VIPR1: variants seen among roughly 807,000 people sequenced by gnomAD.
VIPR1 encodes the protein vasoactive intestinal peptide receptor 1.
Under a neutral mutation model 58.8 loss-of-function variants are expected in VIPR1, and 59 were observed. That is an observed-to-expected ratio of 1.00 (90% CI 0.81 to 1.25). The LOEUF is 1.25. Among genes scored for constraint, VIPR1 ranks in the 50% most tolerant of loss-of-function variants. The pLI is 0.00. For synonymous variants in VIPR1, 251 were observed against 242.1 expected (o/e 1.04, Z -0.34); for missense variants, 626 against 602.7 (o/e 1.04, Z -0.40).
intron 3 of VIPR1, among the ~76,000 whole-genome samples, chr3:42,523,827 T>C (rs1701087786): frequency 6.6e-6 from 1 of 152,018 alleles, no homozygotes; most frequent in Non-Finnish European, 1.5e-5. Flanking sequence ...TCCTCTTTTT[T>C]TTTTCCCTGA....
chr3:42,530,979 G>A (rs1701513612), intron 7 of VIPR1, 47 bp downstream of exon 7: 2 of 1,606,290 alleles, frequency 1.2e-6, no homozygotes, highest in Non-Finnish European at 1.7e-6. Context: ...AGGGGGCAAG[G>A]CCTGGAGAAC....
rs774210128 is a variant in VIPR1 at position 42,531,451 on chromosome 3, A to T, written c.791-20A>T. On this transcript the variant is annotated intron_variant, in intron 7 of 12. Coordinates refer to ENST00000325123, the MANE Select transcript of VIPR1 (RefSeq NM_004624.4). ...CTTCCTGTGCCCTCTCTGCTCTTTCACTCTCCCTGGGCCTGACAGGGGTAC... is the reference window on the plus strand; with the variant it reads ...CTTCCTGTGCCCTCTCTGCTCTTTCTCTCTCCCTGGGCCTGACAGGGGTAC... The T allele has an allele frequency of 6.4e-7, 1 of 1,562,452 alleles. No individual in the cohort carries two copies. Among genetic ancestry groups the T allele is most frequent in the Admixed American group, 1.9e-5 (1 of 52,506 alleles).
At chr3:42,498,198 G>A (rs1004625360), upstream of VIPR1, among the ~76,000 whole-genome samples, 2 of 152,182 alleles carry the variant, frequency 1.3e-5, no homozygotes, top group Admixed American at 1.3e-4. Flanking sequence ...CTGTGAGGAG[G>A]GCAATGAGTT....
chr3:42,535,238 G>A, intron 11 of VIPR1, 105 bp from the exon 12 acceptor site: 1 of 1,596,486 alleles, frequency 6.3e-7, no homozygotes, highest in Non-Finnish European at 8.6e-7. Context: ...TTTGTGCTTA[G>A]CTCTTTCCTT....
rs141022924 is a variant in VIPR1 at position 42,491,426 on chromosome 3, G to T, written c.-245+1748G>T. Among the ~76,000 whole-genome samples, 787 of 152,272 alleles carry T rather than the reference G, an allele frequency of 5.2e-3. 10 individuals are homozygous for T. The highest frequency in any genetic ancestry group is 0.018 in the African/African-American group (732 of 41,546). ...ACACTCAAATATTTACAGATAAAATGGTAGATCTGTAATTGGATTCAAAAT... is the reference window on the plus strand; with the variant it reads ...ACACTCAAATATTTACAGATAAAATTGTAGATCTGTAATTGGATTCAAAAT... On this transcript the variant is annotated intron_variant, in intron 1 of 13. Transcript: ENST00000433647.
chr3:42,536,302 C>A lies in VIPR1; in HGVS notation c.*21C>A, dbSNP rs777442020. 3 of 1,498,898 alleles carry A rather than the reference C, an allele frequency of 2.0e-6. No individual in the cohort carries two copies. The highest frequency in any genetic ancestry group is 1.8e-6 in the Non-Finnish European group (2 of 1,128,356). The allele number at this position is 1,498,898 out of a possible 1,614,324, so 92.8% of individuals were successfully genotyped here. On this transcript the variant is annotated 3_prime_UTR_variant, in exon 13 of 13. Transcript: ENST00000325123. The stretch of plus-strand genomic sequence containing the variant: ...TCTGACCACCAGGATCCCAGGGGCC[C>A]AAGGCGGCCCCTCCCGCCCCTTCCC...
chr3:42,502,461 T>C (rs1302620175), upstream of VIPR1, among the ~76,000 whole-genome samples: 2 of 152,154 alleles, frequency 1.3e-5, no homozygotes, highest in African/African-American at 2.4e-5. Flanking sequence ...AGGTGTGGGA[T>C]TGGCAAAGAG....
At chr3:42,507,189 C>G (rs1700155427) in intron 1 of VIPR1, 1 of 152,138 alleles carries the variant, frequency 6.6e-6, no homozygotes, top group Non-Finnish European at 1.5e-5. Context: ...TTCAAATATC[C>G]CCAGCCGGAA....
intron 1 of VIPR1, chr3:42,512,729 G>A (rs1577214463): frequency 1.0e-6 from 1 of 985,248 alleles, no homozygotes; most frequent in Non-Finnish European, 1.2e-6. Flanking sequence ...GGCCCTGGTG[G>A]AAACTGACAT....
intron 10 of VIPR1, chr3:42,534,266 G>C (rs1701732250): frequency 6.6e-6 from 1 of 152,280 alleles, no homozygotes; most frequent in East Asian, 1.9e-4. Context: ...GGTTGTCCCT[G>C]GTGATCAGGT....
upstream of VIPR1, among the ~76,000 whole-genome samples, chr3:42,499,712 G>A (rs1699830581): frequency 6.6e-6 from 1 of 152,118 alleles, no homozygotes; most frequent in Admixed American, 6.5e-5. Flanking sequence ...GACAGGGTGG[G>A]GAGATTGGGA....
At chr3:42,498,624 ATC>A (rs1003491761), upstream of VIPR1, among the ~76,000 whole-genome samples, 2 of 152,008 alleles carry the variant, frequency 1.3e-5, no homozygotes, top group African/African-American at 4.8e-5. Context: ...TCATTTCCAA[ATC>A]TGTTATGTCA....
chr3:42,493,498 C>G (rs1699703958), intron 1 of VIPR1, among the ~76,000 whole-genome samples: 1 of 152,208 alleles, frequency 6.6e-6, no homozygotes, highest in African/African-American at 2.4e-5. Flanking sequence ...CCCTAGAGGC[C>G]TTTATGCTGG....
chr3:42,499,855 T>G (rs1699834087), upstream of VIPR1, among the ~76,000 whole-genome samples: 1 of 152,064 alleles, frequency 6.6e-6, no homozygotes, highest in Non-Finnish European at 1.5e-5. Context: ...TCTACAGGAC[T>G]CCCCAAGAGT....
In VIPR1 at chr3:42,530,818, G is replaced by A. The variant is rs1701500269; in HGVS notation, c.676G>A (p.Val226Ile). The A allele has an allele frequency of 2.5e-6, 4 of 1,613,968 alleles. No individual in the cohort carries two copies. The highest frequency in any genetic ancestry group is 1.7e-5 in the Admixed American group (1 of 60,000). The change falls in exon 7 of 13, where the codon GTC becomes ATC. Residue 226 changes from valine (V) to isoleucine (I), a missense_variant. By Grantham distance (29) the Val-to-Ile change is conservative (BLOSUM62 3). Coordinates refer to ENST00000325123, the MANE Select transcript of VIPR1 (RefSeq NM_004624.4). ...AGCCATGGTCTTTTTCCAATATTGT[G>A]TCATGGCTAACTTCTTCTGGCTGCT... ...KAAMVFFQYC[V>I]MANFFWLLVE...
Position 42,532,335 on chromosome 3 carries a change from T to C in VIPR1, c.1010+2T>C. On this transcript the variant is annotated splice_donor_variant, in intron 10 of 12. Transcript: ENST00000325123. LOFTEE classifies it high-confidence loss of function. ...GAAGAGTGACAGCAGTCCATACTCGTGAGTGTGGGCCTAGTGCCTCAGCCC... is the reference window on the plus strand; with the variant it reads ...GAAGAGTGACAGCAGTCCATACTCGCGAGTGTGGGCCTAGTGCCTCAGCCC... The C allele has an allele frequency of 1.2e-6, 2 of 1,613,306 alleles. No individual in the cohort carries two copies. The highest frequency in any genetic ancestry group is 2.7e-5 in the African/African-American group (2 of 75,010).
In VIPR1 at chr3:42,536,551, C is replaced by G. The variant is rs917635634; in HGVS notation, c.*270C>G. 12 of 392,734 alleles carry G rather than the reference C, an allele frequency of 3.1e-5. No homozygotes were observed. Among genetic ancestry groups the G allele is most frequent in the African/African-American group, 2.1e-4 (10 of 47,714 alleles). 24.3% of individuals were successfully genotyped at this position (392,734 alleles called of 1,614,324 possible). On this transcript the variant is annotated 3_prime_UTR_variant, in exon 13 of 13. Coordinates refer to ENST00000325123, the MANE Select transcript of VIPR1 (RefSeq NM_004624.4). The stretch of plus-strand genomic sequence containing the variant: ...GTCATTAGACTCCTCCTCCAAAGGC[C>G]CCCTACGCCAATCAAGGGCAAAAAG...
chr3:42,497,576 C>A (rs1181744220), intron 1 of VIPR1, among the ~76,000 whole-genome samples: 1 of 152,188 alleles, frequency 6.6e-6, no homozygotes, highest in African/African-American at 2.4e-5. Context: ...AACACCATGA[C>A]CCCTGATACG....
chr3:42,527,567 G>A (rs377089972), intron 5 of VIPR1, 71 bp downstream of exon 5: 89 of 1,504,528 alleles, frequency 5.9e-5, no homozygotes, highest in South Asian at 2.4e-4. Flanking sequence ...GGAGCCCAGC[G>A]TGGCCCAGGC....
Sources: allele counts gnomAD v4.1 joint callset (sites outside exome capture counted in the v4.1 genomes callset), GRCh38; gene constraint gnomAD v4.1.1; transcripts MANE v1.5; gene names NCBI Gene and HGNC (gene_info 2026-07-23, HGNC 2026-07-21).